Variants in NELL1 observed in about 807,000 individuals in gnomAD.
NELL1 encodes the protein neural EGFL like 1.
Under a neutral mutation model 107.4 loss-of-function variants are expected in NELL1, and 76 were observed. The observed-to-expected ratio is 0.71, with a 90% CI of 0.59 to 0.86. The LOEUF (loss-of-function observed/expected upper bound fraction) is 0.86. Ranked by LOEUF, NELL1 falls within the 40% of genes least tolerant of loss-of-function variation. The probability of loss-of-function intolerance (pLI) is 0.00; values close to 1 mark genes in which losing one functional copy is unlikely to be tolerated. For missense variants in NELL1, 1,024 were observed against 1,005.5 expected, an observed-to-expected ratio of 1.02 and a Z score of -0.25; for synonymous variants, 353 against 341.2, an observed-to-expected ratio of 1.03 and a Z score of -0.38.
At chr11:21,531,290 A>G (rs1006600166) in intron 15 of NELL1, among the ~76,000 whole-genome samples, 2 of 152,104 alleles carry the variant, frequency 1.3e-5, no homozygotes, top group African/African-American at 2.4e-5. Flanking sequence ...CCTTGCACAT[A>G]TTTTTAGCTC....
At chr11:21,400,262 C>T (rs1158864318) in intron 15 of NELL1, among the ~76,000 whole-genome samples, 1 of 151,778 alleles carries the variant, frequency 6.6e-6, no homozygotes, top group African/African-American at 2.4e-5. Flanking sequence ...TCAATTCATT[C>T]TAGTCTGTTG....
At chr11:21,518,692 G>A (rs867710829) in intron 15 of NELL1, among the ~76,000 whole-genome samples, 1 of 152,144 alleles carries the variant, frequency 6.6e-6, no homozygotes, top group African/African-American at 2.4e-5. Context: ...TAGTTTGGTG[G>A]GAGTGACAGT....
At chr11:21,418,100 G>T (rs572678886) in intron 15 of NELL1, among the ~76,000 whole-genome samples, 1 of 152,078 alleles carries the variant, frequency 6.6e-6, no homozygotes, top group East Asian at 1.9e-4. Flanking sequence ...TAATTAGTCA[G>T]TTGAACTTTC....
intron 5 of NELL1, among the ~76,000 whole-genome samples, chr11:20,906,601 A>G (rs937780251): frequency 1.3e-5 from 2 of 152,126 alleles, no homozygotes; most frequent in African/African-American, 4.8e-5. Flanking sequence ...TCTCAACAAA[A>G]TACAAATGAA....
intron 12 of NELL1, among the ~76,000 whole-genome samples, chr11:21,080,953 G>A (rs1219716801): frequency 1.3e-5 from 2 of 151,472 alleles, no homozygotes; most frequent in African/African-American, 4.8e-5. Flanking sequence ...ATTTTAACTT[G>A]TTCTTCTTTG....
At chr11:20,940,810 A>G (rs1319382060) in intron 10 of NELL1, among the ~76,000 whole-genome samples, 5 of 152,156 alleles carry the variant, frequency 3.3e-5, no homozygotes. Flanking sequence ...CAGCTGTCAT[A>G]ATAAGACTTT....
chr11:20,911,287 T>C (rs1850126161), intron 5 of NELL1, among the ~76,000 whole-genome samples: 1 of 152,226 alleles, frequency 6.6e-6, no homozygotes, highest in Non-Finnish European at 1.5e-5. Context: ...CTTCCTATGT[T>C]ACAGACTTTG....
At chr11:21,070,044 G>C (rs1590606728) in intron 12 of NELL1, among the ~76,000 whole-genome samples, 1 of 152,104 alleles carries the variant, frequency 6.6e-6, no homozygotes, top group African/African-American at 2.4e-5. Flanking sequence ...ATATTGGAGG[G>C]ACAAAATAGT....
intron 15 of NELL1, among the ~76,000 whole-genome samples, chr11:21,412,848 T>C (rs1281322680): frequency 1.3e-5 from 2 of 152,092 alleles, no homozygotes; most frequent in African/African-American, 2.4e-5. Flanking sequence ...GCTTGCCAGC[T>C]GCAGAAAGTC....
chr11:20,938,914 C>CTCTCTCTG (rs1554947423), intron 10 of NELL1, among the ~76,000 whole-genome samples: 2 of 87,822 alleles, frequency 2.3e-5, no homozygotes, highest in African/African-American at 4.8e-5. Context: ...CTCTGTCTCT[C>CTCTCTCTG]TCTCTCTCTC....
intron 12 of NELL1, among the ~76,000 whole-genome samples, chr11:21,076,709 G>A (rs1217681640): frequency 6.6e-6 from 1 of 152,138 alleles, no homozygotes; most frequent in African/African-American, 2.4e-5. Flanking sequence ...GGGTAAAGGG[G>A]GCAGATAGCG....
At chr11:21,328,691 C>T (rs545750353) in intron 14 of NELL1, among the ~76,000 whole-genome samples, 1 of 152,158 alleles carries the variant, frequency 6.6e-6, no homozygotes, top group South Asian at 2.1e-4. Context: ...GGAGCTATAC[C>T]CTGCAAAGCC....
chr11:21,494,513 A>G (rs754516219), intron 15 of NELL1, among the ~76,000 whole-genome samples: 1 of 151,962 alleles, frequency 6.6e-6, no homozygotes, highest in Non-Finnish European at 1.5e-5. Context: ...GTGTATTTCA[A>G]CAAATATGTT....
At chr11:20,854,159 G>T (rs753483897) in intron 4 of NELL1, among the ~76,000 whole-genome samples, 10 of 152,240 alleles carry the variant, frequency 6.6e-5, no homozygotes, top group East Asian at 1.9e-4. Context: ...TGTACTATTT[G>T]CCTCTCTACT....
At chr11:21,458,254 A>G (rs183850957) in intron 15 of NELL1, among the ~76,000 whole-genome samples, 2 of 151,740 alleles carry the variant, frequency 1.3e-5, no homozygotes. Flanking sequence ...TATCTCTTTC[A>G]TACACAGCTA....
chr11:21,356,551 G>A (rs562113430), intron 14 of NELL1, among the ~76,000 whole-genome samples: 21 of 152,226 alleles, frequency 1.4e-4, no homozygotes, highest in South Asian at 6.2e-4. Context: ...ATTGTCCTCC[G>A]CGCAAACACT....
intron 13 of NELL1, among the ~76,000 whole-genome samples, chr11:21,149,315 A>G (rs1248176306): frequency 6.6e-6 from 1 of 152,244 alleles, no homozygotes; most frequent in East Asian, 1.9e-4. Flanking sequence ...GCTGCTAATA[A>G]AGACATACCC....
chr11:21,272,566 A>G (rs1848763319), intron 14 of NELL1, among the ~76,000 whole-genome samples: 1 of 152,228 alleles, frequency 6.6e-6, no homozygotes, highest in Admixed American at 6.5e-5. Context: ...TGGTTCTCCC[A>G]GCACGCAGCT....
intron 14 of NELL1, among the ~76,000 whole-genome samples, chr11:21,286,488 A>G (rs202110311): frequency 6.6e-6 from 1 of 152,182 alleles, no homozygotes; most frequent in African/African-American, 2.4e-5. Flanking sequence ...TGCACCTCCA[A>G]TGCCACGCTA....
Sources: allele counts gnomAD v4.1 joint callset (sites outside exome capture counted in the v4.1 genomes callset), GRCh38; gene constraint gnomAD v4.1.1; transcripts MANE v1.5; gene names NCBI Gene and HGNC (gene_info 2026-07-23, HGNC 2026-07-21).